Variants in NHS observed in about 807,000 individuals in gnomAD.
The protein encoded by NHS is NHS actin remodeling regulator, also known as actin remodeling regulator NHS.
A neutral mutation model predicts 72.5 loss-of-function variants in NHS; 5 were observed. That is an observed-to-expected ratio of 0.07 (90% CI 0.04 to 0.14). The LOEUF (loss-of-function observed/expected upper bound fraction) is 0.14, where lower values mean the gene tolerates loss of function less well. NHS is among the 10% of genes least tolerant of loss of function. The probability of loss-of-function intolerance (pLI) is 1.00; values close to 1 mark genes in which losing one functional copy is unlikely to be tolerated. For missense variants in NHS, 1,072 were observed against 1,355.7 expected, an observed-to-expected ratio of 0.79 and a Z score of 3.29; for synonymous variants, 464 against 547.7, an observed-to-expected ratio of 0.85 and a Z score of 2.13.
At chrX:17,632,027 C>T (rs2065823789) in intron 1 of NHS, among the ~76,000 whole-genome samples, 1 of 111,853 alleles carries the variant, frequency 8.9e-6, no homozygotes, top group South Asian at 3.7e-4. Flanking sequence ...TCCTGTACCA[C>T]AGTTGCTTTG....
At chrX:17,716,362 A>AT (rs2066364044) in intron 3 of NHS, among the ~76,000 whole-genome samples, 1 of 112,273 alleles carries the variant, frequency 8.9e-6, no homozygotes, top group African/African-American at 3.2e-5. Flanking sequence ...TGACGGTGTG[A>AT]TTTTTTGAAA....
At chrX:17,422,624 G>A (rs979379060) in intron 1 of NHS, among the ~76,000 whole-genome samples, 1 of 111,313 alleles carries the variant, frequency 9.0e-6, no homozygotes, top group African/African-American at 3.3e-5. Context: ...CTCCTCTTTT[G>A]TCCAGTTATG....
At chrX:17,526,536 C>G (rs1371861437) in intron 1 of NHS, among the ~76,000 whole-genome samples, 1 of 111,924 alleles carries the variant, frequency 8.9e-6, no homozygotes, top group Non-Finnish European at 1.9e-5. Context: ...GAACCAAACC[C>G]AGATTCAAGG....
At chrX:17,607,926 T>TC (rs1365594891) in intron 1 of NHS, among the ~76,000 whole-genome samples, 40 of 103,383 alleles carry the variant, frequency 3.9e-4, no homozygotes, top group African/African-American at 1.3e-3. Context: ...TTTCTTTTTT[T>TC]TTTTTTTTTT....
chrX:17,380,009 T>C (rs958571588), intron 1 of NHS, among the ~76,000 whole-genome samples: 8 of 111,561 alleles, frequency 7.2e-5, no homozygotes, highest in Admixed American at 3.8e-4. Flanking sequence ...TTGTGAAGCC[T>C]TGGAGCTAGA....
rs145131486 is a variant in NHS, at chrX:17,682,230, C to G, written c.566-5512C>G. The stretch of plus-strand genomic sequence containing the variant: ...GATCTGAGCACTCAGGCAGCAGCAA[C>G]AGACACCTTAGGGAAATTTCCCATT... On this transcript the variant is annotated intron_variant, in intron 1 of 8. Transcript: ENST00000676302. Among the ~76,000 whole-genome samples the G allele has an allele frequency of 7.1e-5, 8 of 112,090 alleles. No homozygotes were observed. The East Asian group carries it at 2.2e-3, about 32-fold the overall frequency.
At chrX:17,486,819 T>C (rs189776177) in intron 1 of NHS, among the ~76,000 whole-genome samples, 204 of 112,398 alleles carry the variant, frequency 1.8e-3, no homozygotes, top group Non-Finnish European at 3.5e-3. Flanking sequence ...TGCCAGGCAC[T>C]GTTCTAAGCA....
intron 1 of NHS, among the ~76,000 whole-genome samples, chrX:17,550,444 C>G (rs1192095553): frequency 1.8e-5 from 2 of 112,300 alleles, no homozygotes; most frequent in Non-Finnish European, 3.8e-5. Context: ...CCAAGGGTGC[C>G]TGGATTTTGC....
Position 17,472,404 on chromosome X carries a change from C to G in NHS, c.565+96082C>G, listed in dbSNP as rs112579788. ...TGTTTAGGATTATGAAAAAGCATAT[C>G]TGTAGTGCCCTGTTAAAGATGAAAA... is the stretch of plus-strand genomic sequence containing the variant. On this transcript the variant is annotated intron_variant, in intron 1 of 8. Coordinates refer to ENST00000676302, the MANE Select transcript of NHS (RefSeq NM_001291867.2). 2.7e-5 allele frequency among the ~76,000 whole-genome samples: 3 copies of G among 111,064 alleles called. No homozygotes were observed. The South Asian group carries it at 1.2e-3, about 43-fold the overall frequency.
chrX:17,687,628 G>C (rs1028084772), intron 1 of NHS, 114 bp from the exon 2 acceptor site: 1 of 869,986 alleles, frequency 1.1e-6, no homozygotes. Context: ...GAATGCAGTA[G>C]TCTGGACTTC....
intron 1 of NHS, among the ~76,000 whole-genome samples, chrX:17,600,650 T>G (rs1032872775): frequency 1.8e-5 from 2 of 111,744 alleles, no homozygotes; most frequent in Non-Finnish European, 3.8e-5. Context: ...TTTAGTATTT[T>G]CCAGTAGATC....
At chrX:17,673,239 A>C (rs916979536) in intron 1 of NHS, among the ~76,000 whole-genome samples, 4 of 89,616 alleles carry the variant, frequency 4.5e-5, no homozygotes, top group Non-Finnish European at 9.2e-5. Flanking sequence ...CACACACACA[A>C]GAAAGCTCGT....
chrX:17,528,012 A>C (rs775582025), intron 1 of NHS, among the ~76,000 whole-genome samples: 1 of 110,322 alleles, frequency 9.1e-6, no homozygotes, highest in Non-Finnish European at 1.9e-5. Context: ...TCTGCTCCCA[A>C]CCCCACCCCC....
chrX:17,604,564 C>G (rs149186697), intron 1 of NHS, among the ~76,000 whole-genome samples: 119 of 111,993 alleles, frequency 1.1e-3, no homozygotes, highest in African/African-American at 3.8e-3. Context: ...ATTTCTGGGA[C>G]TATTTAAGAG....
chrX:17,499,612 C>T (rs2146923327), intron 1 of NHS, among the ~76,000 whole-genome samples: 1 of 110,963 alleles, frequency 9.0e-6, no homozygotes, highest in African/African-American at 3.3e-5. Context: ...CGGGGGAAAC[C>T]TGTAAGAGTA....
intron 1 of NHS, among the ~76,000 whole-genome samples, chrX:17,433,797 T>A (rs1044569396): frequency 3.6e-5 from 4 of 112,302 alleles, no homozygotes; most frequent in Non-Finnish European, 7.5e-5. Context: ...CACTTTGACC[T>A]TTGAATTTAT....
intron 1 of NHS, among the ~76,000 whole-genome samples, chrX:17,387,619 A>G (rs1292297824): frequency 8.9e-6 from 1 of 112,400 alleles, no homozygotes; most frequent in Non-Finnish European, 1.9e-5. Flanking sequence ...AGTTTGAGTA[A>G]CATTGGCAAG....
chrX:17,538,881 A>G (rs1309142029), intron 1 of NHS, among the ~76,000 whole-genome samples: 2 of 109,451 alleles, frequency 1.8e-5, no homozygotes, highest in Non-Finnish European at 3.8e-5. Flanking sequence ...ATGTACAGTG[A>G]CTCTCCCTCT....
At chrX:17,418,475 C>T (rs185798228) in intron 1 of NHS, among the ~76,000 whole-genome samples, 99 of 111,793 alleles carry the variant, frequency 8.9e-4, no homozygotes, top group African/African-American at 2.8e-3. Flanking sequence ...ATGTCCCCAG[C>T]GGTCCCAAAT....
Sources: allele counts gnomAD v4.1 joint callset (sites outside exome capture counted in the v4.1 genomes callset), GRCh38; gene constraint gnomAD v4.1.1; transcripts MANE v1.5; gene names NCBI Gene and HGNC (gene_info 2026-07-23, HGNC 2026-07-21).